Variants in TRAPPC9 observed in about 807,000 individuals in gnomAD.
TRAPPC9 encodes trafficking protein particle complex subunit 9.
TRAPPC9 carries 83 observed loss-of-function variants against 124.0 expected under a neutral mutation model. That is an observed-to-expected ratio of 0.67 (90% CI 0.56 to 0.80). The LOEUF is 0.80. Among genes scored for constraint, TRAPPC9 ranks in the 30% least tolerant of loss-of-function variants. The probability of loss-of-function intolerance (pLI) is 0.00; values close to 1 mark genes in which losing one functional copy is unlikely to be tolerated. For synonymous variants in TRAPPC9, 638 were observed against 617.5 expected (o/e 1.03, Z -0.49); for missense variants, 1,302 against 1,508.3 (o/e 0.86, Z 2.27).
At chr8:139,997,858 GA>G (rs1438550256) in intron 18 of TRAPPC9, among the ~76,000 whole-genome samples, 9 of 33,092 alleles carry the variant, frequency 2.7e-4, no homozygotes, top group East Asian at 2.0e-3. Context: ...TCCCACACAG[GA>G]GAGACAATGC....
intron 18 of TRAPPC9, among the ~76,000 whole-genome samples, chr8:140,015,782 C>T (rs897980364): frequency 7.9e-5 from 12 of 152,096 alleles, no homozygotes; most frequent in Non-Finnish European, 1.3e-4. Context: ...CACTCCAGCC[C>T]GAGCAAAAGA....
chr8:140,392,679 C>T (rs1399268498), intron 7 of TRAPPC9, among the ~76,000 whole-genome samples: 1 of 152,212 alleles, frequency 6.6e-6, no homozygotes, highest in Admixed American at 6.5e-5. Context: ...CAGCACGCCT[C>T]CCAGAGGCCC....
At position 139,984,853 on chromosome 8, in the gene TRAPPC9, G is replaced by A. The variant is rs915663192; in HGVS notation, c.2810+3873C>T. Among the ~76,000 whole-genome samples, 2 of 152,148 alleles carry A rather than the reference G, an allele frequency of 1.3e-5. No homozygotes were observed. Among genetic ancestry groups the A allele is most frequent in the Non-Finnish European group, 2.9e-5 (2 of 68,032 alleles). On this transcript the variant is annotated intron_variant, in intron 19 of 22. Transcript: ENST00000438773. The surrounding 1 kb of genome is among the most constrained non-coding windows in gnomAD (Gnocchi z 4.3). The stretch of plus-strand genomic sequence containing the variant: ...GCCTAAGATGACTTCCCAGATGGAC[G>A]TAACCTCATGACCTCTAGTTCACCC...
chr8:139,983,529 C>T (rs1837048153), intron 19 of TRAPPC9, among the ~76,000 whole-genome samples: 1 of 151,962 alleles, frequency 6.6e-6, no homozygotes, highest in African/African-American at 2.4e-5. Context: ...GTAGTGAAAA[C>T]ACAGGCAACA....
chr8:140,270,397 G>C (rs749316795), intron 15 of TRAPPC9, among the ~76,000 whole-genome samples: 1 of 152,332 alleles, frequency 6.6e-6, no homozygotes, highest in South Asian at 2.1e-4. Context: ...CCTCATTCTC[G>C]AAATGCGGCT....
chr8:140,077,555 G>T (rs372135876), intron 17 of TRAPPC9, among the ~76,000 whole-genome samples: 49 of 151,992 alleles, frequency 3.2e-4, no homozygotes, highest in Non-Finnish European at 4.9e-4. Context: ...GGTGCCTTCC[G>T]CTATCTTCTG....
chr8:140,019,371 G>A (rs1226843277), intron 18 of TRAPPC9, among the ~76,000 whole-genome samples: 2 of 152,006 alleles, frequency 1.3e-5, no homozygotes, highest in Non-Finnish European at 2.9e-5. Context: ...TTTTTGTAAA[G>A]GTGATATTAT....
At chr8:140,263,144 A>G (rs1319997654) in intron 15 of TRAPPC9, among the ~76,000 whole-genome samples, 1 of 152,212 alleles carries the variant, frequency 6.6e-6, no homozygotes, top group African/African-American at 2.4e-5. Flanking sequence ...GGAGTCCAGC[A>G]AAGGCAAGAG....
chr8:140,230,827 C>T (rs1320524582), intron 16 of TRAPPC9, among the ~76,000 whole-genome samples: 3 of 152,140 alleles, frequency 2.0e-5, no homozygotes, highest in African/African-American at 7.2e-5. Context: ...GAGGACTCAG[C>T]CACAGGTAAG....
chr8:139,965,529 A>G (rs1455264322), intron 19 of TRAPPC9, among the ~76,000 whole-genome samples: 1 of 152,230 alleles, frequency 6.6e-6, no homozygotes, highest in African/African-American at 2.4e-5. Context: ...TGATGCATTC[A>G]TGAATTTTTA....
At chr8:140,298,028 T>TTAC (rs2065862643) in intron 11 of TRAPPC9, among the ~76,000 whole-genome samples, 1 of 152,186 alleles carries the variant, frequency 6.6e-6, no homozygotes, top group Non-Finnish European at 1.5e-5. Flanking sequence ...CTAAAAGTCG[T>TTAC]TTCTCTAAGT....
intron 21 of TRAPPC9, among the ~76,000 whole-genome samples, chr8:139,736,551 G>T (rs1484748843): frequency 6.6e-6 from 1 of 152,172 alleles, no homozygotes. Flanking sequence ...CCTATGACGG[G>T]GCAGAGCAGA....
At chr8:139,986,613 T>C (rs1486137347) in intron 19 of TRAPPC9, among the ~76,000 whole-genome samples, 2 of 152,234 alleles carry the variant, frequency 1.3e-5, no homozygotes, top group African/African-American at 4.8e-5. Context: ...AGATATTTTA[T>C]AGAACTCAAA....
rs111644743 is a variant in TRAPPC9, at chr8:140,034,189, A to G, written c.2557-10110T>C. 1.2e-3 allele frequency among the ~76,000 whole-genome samples: 179 copies of G among 152,370 alleles called. 1 individual carries two copies. The highest frequency in any genetic ancestry group is 4.2e-3 in the African/African-American group (173 of 41,596). On this transcript the variant is annotated intron_variant, in intron 17 of 22. Coordinates refer to ENST00000438773, the MANE Select transcript of TRAPPC9 (RefSeq NM_001160372.4). Reference sequence around the variant, plus strand: ...ACACAAGACTTGGCACAAAGCAACTATTCAATAAATGCTTGCTAAGTAGAA... The same window carrying G: ...ACACAAGACTTGGCACAAAGCAACTGTTCAATAAATGCTTGCTAAGTAGAA...
At chr8:140,024,109 C>A in intron 17 of TRAPPC9, 30 bp from the exon 18 acceptor site, 1 of 1,609,612 alleles carries the variant, frequency 6.2e-7, no homozygotes, top group Non-Finnish European at 8.5e-7. Context: ...AAAATACACA[C>A]ACACACATTA....
intron 16 of TRAPPC9, among the ~76,000 whole-genome samples, chr8:140,226,848 C>CA (rs375203443): frequency 8.0e-4 from 109 of 135,422 alleles, no homozygotes; most frequent in African/African-American, 1.6e-3. Context: ...GAGCACTTTG[C>CA]AAAAAAAAAA....
rs555550659 is a variant in TRAPPC9, at chr8:140,351,161, C to T, written c.1495+8889G>A. ...CAGGTAAAGGATGAGGAAGGAGAAG[C>T]GACAACGGATGAGAGACACAGGCCC... On this transcript the variant is annotated intron_variant, in intron 9 of 22. Transcript: ENST00000438773. Among the ~76,000 whole-genome samples the T allele has an allele frequency of 3.5e-5, 4 of 114,760 alleles. No individual in the cohort carries two copies. In the South Asian group the frequency reaches 1.0e-3, roughly 30 times the overall value. The allele number at this position is 114,760 out of a possible 152,430, so 75.3% of individuals were successfully genotyped here.
intron 14 of TRAPPC9, among the ~76,000 whole-genome samples, chr8:140,276,563 A>G (rs1197931922): frequency 6.6e-6 from 1 of 152,134 alleles, no homozygotes; most frequent in Non-Finnish European, 1.5e-5. Flanking sequence ...CCTGACTTCT[A>G]TTGACTTTAA....
intron 17 of TRAPPC9, among the ~76,000 whole-genome samples, chr8:140,132,982 C>T (rs2061233721): frequency 6.6e-6 from 1 of 152,154 alleles, no homozygotes; most frequent in African/African-American, 2.4e-5. Context: ...TCTGACCCAA[C>T]ATTTAAAGAA....
Sources: gnomAD v4.1 joint callset for allele counts (sites outside exome capture counted in the v4.1 genomes callset) on GRCh38, gnomAD v4.1.1 for gene constraint, Gnocchi (gnomAD v3.1) non-coding constraint, MANE v1.5 for transcripts, NCBI Gene and HGNC (gene_info 2026-07-23, HGNC 2026-07-21) for gene names.